NALF1: variants seen among roughly 807,000 people sequenced by gnomAD.
The protein encoded by NALF1 is family with sequence similarity 155 member A.
In NALF1, 3 loss-of-function variants were observed where a neutral mutation model predicts 48.4. The ratio of observed to expected loss-of-function variants is 0.06; its 90% CI spans 0.03 to 0.16. The LOEUF (loss-of-function observed/expected upper bound fraction) is 0.16. NALF1 is among the 10% of genes least tolerant of loss of function. The pLI, the probability that NALF1 is intolerant of heterozygous loss-of-function variation, is 1.00. For synonymous variants in NALF1, 262 were observed against 245.7 expected, an observed-to-expected ratio of 1.07 and a Z score of -0.62; for missense variants, 526 against 571.5, an observed-to-expected ratio of 0.92 and a Z score of 0.81.
intron 1 of NALF1, among the ~76,000 whole-genome samples, chr13:107,507,993 A>G (rs1875758095): frequency 6.6e-6 from 1 of 152,196 alleles, no homozygotes; most frequent in Non-Finnish European, 1.5e-5. Context: ...ATAAAAATGA[A>G]TTAGCCTCAG....
rs532077278 is a variant in NALF1, at chr13:107,369,470, C to T, written c.916-158715G>A. 5.7e-4 allele frequency among the ~76,000 whole-genome samples: 86 copies of T among 152,142 alleles called. 1 individual carries two copies. Among genetic ancestry groups the T allele is most frequent in the Middle Eastern group, 3.4e-3 (1 of 294 alleles). ...TACATCTGTGTATATATAAAAGTCA[C>T]TAAAATCAAAATAATCTGTACATTC... On this transcript the variant is annotated intron_variant, in intron 1 of 2. Coordinates refer to ENST00000375915, the MANE Select transcript of NALF1 (RefSeq NM_001080396.3).
intron 1 of NALF1, among the ~76,000 whole-genome samples, chr13:107,598,864 T>C (rs1878833867): frequency 6.6e-6 from 1 of 152,186 alleles, no homozygotes; most frequent in Non-Finnish European, 1.5e-5. Flanking sequence ...TCTTCTCACT[T>C]ATCATGATCT....
chr13:107,709,701 G>T (rs1236797965), intron 1 of NALF1, among the ~76,000 whole-genome samples: 1 of 152,152 alleles, frequency 6.6e-6, no homozygotes, highest in Non-Finnish European at 1.5e-5. Flanking sequence ...CATGCATATG[G>T]ATTTTATCTA....
chr13:107,499,897 A>T (rs1011334290), intron 1 of NALF1, among the ~76,000 whole-genome samples: 9 of 152,136 alleles, frequency 5.9e-5, no homozygotes, highest in African/African-American at 1.9e-4. Context: ...TAATATGCTG[A>T]TAGACAACTC....
At chr13:107,250,016 A>G (rs901617825) in intron 1 of NALF1, among the ~76,000 whole-genome samples, 7 of 152,042 alleles carry the variant, frequency 4.6e-5, no homozygotes, top group Admixed American at 1.3e-4. Flanking sequence ...CAGAGCAATT[A>G]AAACAGATTC....
At chr13:107,279,377 T>A (rs1881344503) in intron 1 of NALF1, among the ~76,000 whole-genome samples, 1 of 152,164 alleles carries the variant, frequency 6.6e-6, no homozygotes, top group Non-Finnish European at 1.5e-5. Flanking sequence ...TGTCTCAGCC[T>A]CCCGAGTAGC....
At chr13:107,651,672 CCACCCA>C (rs1880454206) in intron 1 of NALF1, among the ~76,000 whole-genome samples, 1 of 152,116 alleles carries the variant, frequency 6.6e-6, no homozygotes, top group South Asian at 2.1e-4. Context: ...AACTGATGTC[CCACCCA>C]CACCTTCACC....
intron 1 of NALF1, among the ~76,000 whole-genome samples, chr13:107,559,288 G>T (rs1157470817): frequency 6.6e-6 from 1 of 152,094 alleles, no homozygotes; most frequent in East Asian, 1.9e-4. Context: ...GATAAGGAGT[G>T]AATCTTTCAT....
intron 1 of NALF1, among the ~76,000 whole-genome samples, chr13:107,363,265 T>C (rs1883097184): frequency 1.3e-5 from 2 of 152,114 alleles, no homozygotes; most frequent in South Asian, 2.1e-4. Context: ...CTTGATGAGG[T>C]TGGTAAACTT....
intron 1 of NALF1, among the ~76,000 whole-genome samples, chr13:107,780,581 C>T (rs1315564402): frequency 1.3e-5 from 2 of 151,692 alleles, no homozygotes; most frequent in African/African-American, 4.9e-5. Flanking sequence ...TCACTGCAAC[C>T]TCCTCCTCCC....
chr13:107,575,339 T>C (rs1428034224), intron 1 of NALF1, among the ~76,000 whole-genome samples: 1 of 152,166 alleles, frequency 6.6e-6, no homozygotes, highest in Admixed American at 6.6e-5. Flanking sequence ...TGCAAAGCTA[T>C]GGAGTGAGTT....
chr13:107,733,194 T>A (rs756164347), intron 1 of NALF1, among the ~76,000 whole-genome samples: 41 of 152,314 alleles, frequency 2.7e-4, no homozygotes, highest in Non-Finnish European at 4.4e-4. Flanking sequence ...CATTTTAGCA[T>A]TTATGCCTTA....
chr13:107,745,361 A>T (rs1313220480), intron 1 of NALF1, among the ~76,000 whole-genome samples: 1 of 152,166 alleles, frequency 6.6e-6, no homozygotes. Context: ...GTCAAATTAT[A>T]GACACCCCCT....
chr13:107,249,594 T>C lies in NALF1; in HGVS notation c.916-38839A>G, dbSNP rs989515220. Among the ~76,000 whole-genome samples the C allele has an allele frequency of 5.3e-5, 8 of 152,008 alleles. No homozygotes were observed. In the East Asian group the frequency reaches 1.6e-3, roughly 30 times the overall value. The stretch of plus-strand genomic sequence containing the variant: ...CACCCTGAAGGGTGGCAAACTCTTA[T>C]TAATTTTGAGTACAGATGTAGAGAG... On this transcript the variant is annotated intron_variant, in intron 1 of 2. Coordinates refer to ENST00000375915, the MANE Select transcript of NALF1 (RefSeq NM_001080396.3).
intron 1 of NALF1, among the ~76,000 whole-genome samples, chr13:107,214,439 C>T (rs1184899888): frequency 6.6e-6 from 1 of 152,246 alleles, no homozygotes; most frequent in East Asian, 1.9e-4. Context: ...CTATGTGTCA[C>T]TGCAGAGTAT....
chr13:107,448,265 G>A (rs959827713), intron 1 of NALF1, among the ~76,000 whole-genome samples: 2 of 152,042 alleles, frequency 1.3e-5, no homozygotes, highest in Non-Finnish European at 2.9e-5. Context: ...ACTGTGTGAC[G>A]ACTGGAGCTA....
At chr13:107,500,715 C>A (rs1436985641) in intron 1 of NALF1, among the ~76,000 whole-genome samples, 3 of 150,838 alleles carry the variant, frequency 2.0e-5, no homozygotes, top group Non-Finnish European at 2.9e-5. Context: ...AAATGGCCAA[C>A]AATGATACAC....
At chr13:107,536,774 G>GCA (rs1358468233) in intron 1 of NALF1, among the ~76,000 whole-genome samples, 3 of 152,166 alleles carry the variant, frequency 2.0e-5, no homozygotes, top group African/African-American at 7.2e-5. Context: ...AAAGGCACAT[G>GCA]CACACGTATG....
In NALF1 at chr13:107,553,306, A is replaced by G. The variant is rs139110876; in HGVS notation, c.915+312376T>C. Among the ~76,000 whole-genome samples, 818 of 152,278 alleles carry G rather than the reference A, an allele frequency of 5.4e-3. 3 individuals carry two copies. The highest frequency in any genetic ancestry group is 0.018 in the African/African-American group (740 of 41,566). On this transcript the variant is annotated intron_variant, in intron 1 of 2. Transcript: ENST00000375915. ...AAAATCACATTTTTGTTATGTCTTG[A>G]GCAACTATCCATAATTCACCCCATG... is the stretch of plus-strand genomic sequence containing the variant.
Sources: gnomAD v4.1 joint callset for allele counts (sites outside exome capture counted in the v4.1 genomes callset) on GRCh38, gnomAD v4.1.1 for gene constraint, MANE v1.5 for transcripts, NCBI Gene and HGNC (gene_info 2026-07-23, HGNC 2026-07-21) for gene names.